Variants in ANO7 observed in about 807,000 individuals in gnomAD.
ANO7 encodes anoctamin-7.
Under a neutral mutation model 115.8 loss-of-function variants are expected in ANO7, and 114 were observed. The ratio of observed to expected loss-of-function variants is 0.98; its 90% CI spans 0.85 to 1.15. ANO7 has a LOEUF of 1.15. Ranked by LOEUF, ANO7 falls within the 50% of genes most tolerant of loss-of-function variation. The pLI, the probability that ANO7 is intolerant of heterozygous loss-of-function variation, is 0.00. For synonymous variants in ANO7, 550 were observed against 498.2 expected (o/e 1.10, Z -1.38); for missense variants, 1,302 against 1,201.2 (o/e 1.08, Z -1.24).
chr2:241,239,742 G>A, the ANO7 span: 11 of 1,614,028 alleles, frequency 6.8e-6, no homozygotes, highest in South Asian at 2.2e-5. This position sits in a 1 kb window ranked among gnomAD's most constrained non-coding sequence, Gnocchi z 4.6. Flanking sequence ...GCAATCTCCC[G>A]CAAGACCTGG....
rs536368776 is a variant in ANO7, at chr2:241,224,104, C to T, written c.2591C>T (p.Ser864Phe). Residue 864 changes from serine to phenylalanine, a missense_variant, in exon 25 of 25, where the codon TCC (serine) becomes TTC (phenylalanine). Ser to Phe is a radical substitution (Grantham distance 155). Coordinates refer to ENST00000674324, the MANE Select transcript of ANO7 (RefSeq NM_001370694.2). ...DEQPEGSELS[S>F]HWTPFTVPKA... ...CCCCAACCCTCTCCCCAGCTCAGCT[C>T]CCACTGGACACCCTTCACGGTTCCC... 1.3e-5 allele frequency: 21 copies of T among 1,614,110 alleles called. No homozygotes were observed. In the African/African-American group the frequency reaches 2.5e-4, roughly 19 times the overall value.
rs200506103 is a variant in ANO7 at position 241,202,279 on chromosome 2, T to A, written c.698T>A (p.Leu233His). ...GIHQLLAEGV[L>H]SAAFPLHDGP... ...CACCAGCTGCTGGCAGAGGGTGTCC[T>A]CAGTGCCGCCTTCCCCCTGCATGAC... The change falls in exon 8 of 25, where the codon CTC becomes CAC. Residue 233 changes from leucine (L) to histidine (H), a missense_variant. Physicochemically the swap from Leu to His is moderately conservative, Grantham distance 99. Coordinates refer to ENST00000674324, the MANE Select transcript of ANO7 (RefSeq NM_001370694.2). The A allele has an allele frequency of 1.2e-5, 19 of 1,613,364 alleles. No individual in the cohort carries two copies. In the East Asian group the frequency reaches 4.2e-4, roughly 36 times the overall value.
In ANO7 at chr2:241,203,435, C is replaced by T. The variant is rs139975872; in HGVS notation, c.826C>T (p.Gln276Ter). The part of the protein sequence containing the change: ...WARWGKWNKY[Q>*]PLDHVRRYFG... Reference sequence around the variant, plus strand: ...GCGCTGGGGCAAGTGGAACAAGTACCAGCCCCTGGACCACGTGCGCAGGTA... The same window carrying T: ...GCGCTGGGGCAAGTGGAACAAGTACTAGCCCCTGGACCACGTGCGCAGGTA... Residue 276 changes from glutamine (Q) to a stop codon, truncating the protein, a stop_gained, in exon 9 of 25, where the codon CAG becomes TAG. Transcript: ENST00000674324. LOFTEE classifies it high-confidence loss of function. This position sits in a 1 kb window ranked among gnomAD's most constrained non-coding sequence, Gnocchi z 4.8. The T allele has an allele frequency of 1.0e-5, 16 of 1,593,660 alleles. No homozygotes were observed. Among genetic ancestry groups the T allele is most frequent in the African/African-American group, 1.4e-5 (1 of 73,706 alleles).
At chr2:241,232,676 C>T in the ANO7 span, among the ~76,000 whole-genome samples, 30 of 151,966 alleles carry the variant, frequency 2.0e-4, no homozygotes, top group African/African-American at 6.0e-4. Context: ...GGGCTGGGAG[C>T]GGTGGCTCAC....
chr2:241,235,602 G>T, the ANO7 span: 1 of 1,604,344 alleles, frequency 6.2e-7, no homozygotes, highest in African/African-American at 1.3e-5. Context: ...TGCCTGCAGG[G>T]AGGATGGTCA....
In ANO7 at chr2:241,210,360, G is replaced by A. The variant is rs141796681; in HGVS notation, c.1425G>A (p.Val475=). ...ACCGTGCCATCATGGCCATCGTGGT[G>A]TCCAGGTCGGGCAACACCCTTCTCG... is the stretch of plus-strand genomic sequence containing the variant. ...ILYRAIMAIV[V]SRSGNTLLAA... The change falls in exon 14 of 25, where the codon GTG becomes GTA. Residue 475 remains valine (V), a synonymous_variant. Transcript: ENST00000674324. 6.2e-3 allele frequency: 10,014 copies of A among 1,614,062 alleles called. 52 individuals carry two copies. Among genetic ancestry groups the A allele is most frequent in the Non-Finnish European group, 7.4e-3 (8,677 of 1,179,996 alleles).
chr2:241,234,687 C>T, the ANO7 span, among the ~76,000 whole-genome samples: 1 of 152,190 alleles, frequency 6.6e-6, no homozygotes, highest in Non-Finnish European at 1.5e-5. Flanking sequence ...CAAACGTCAG[C>T]CTTGCCAGAG....
chr2:241,219,774 A>G (rs1200507983), intron 21 of ANO7, among the ~76,000 whole-genome samples: 1 of 130,824 alleles, frequency 7.6e-6, no homozygotes, highest in African/African-American at 2.9e-5. Flanking sequence ...GGGTCTTACT[A>G]TGTTATGTTA....
At chr2:241,202,628 C>G (rs148996736) in intron 8 of ANO7, among the ~76,000 whole-genome samples, 63 of 152,332 alleles carry the variant, frequency 4.1e-4, no homozygotes, top group Middle Eastern at 3.4e-3. Flanking sequence ...GGTCTCCTAT[C>G]CCCCTCCAGA....
chr2:241,206,636 T>C (rs2068597710), intron 10 of ANO7, among the ~76,000 whole-genome samples: 1 of 44,476 alleles, frequency 2.2e-5, no homozygotes, highest in African/African-American at 1.1e-4. Flanking sequence ...ACAGGAGTGC[T>C]CCCAGGCTGA....
chr2:241,222,975 C>G (rs945572205), intron 21 of ANO7, among the ~76,000 whole-genome samples: 4 of 152,178 alleles, frequency 2.6e-5, no homozygotes, highest in Non-Finnish European at 5.9e-5. Context: ...CCCAGCACAT[C>G]CACCTTTGGA....
chr2:241,208,655 C>G (rs948930676), intron 11 of ANO7, among the ~76,000 whole-genome samples: 1 of 152,208 alleles, frequency 6.6e-6, no homozygotes, highest in Admixed American at 6.5e-5. Context: ...ATGTCCATCC[C>G]ACGTGCAAAA....
chr2:241,193,169 G>A (rs35432564), intron 3 of ANO7, among the ~76,000 whole-genome samples: 9,986 of 151,716 alleles, frequency 0.066, 448 homozygotes, highest in Non-Finnish European at 0.1. Context: ...GCCTCCCTTC[G>A]CACCATTCTC....
intron 21 of ANO7, 83 bp from the exon 22 acceptor site, chr2:241,223,103 G>C: frequency 8.1e-7 from 1 of 1,228,734 alleles, no homozygotes; most frequent in African/African-American, 1.5e-5. Context: ...GGTGGAAAAA[G>C]GGGAGATAGG....
chr2:241,200,138 T>G lies in ANO7; in HGVS notation c.467T>G (p.Leu156Arg). ...SNWSAGLLAW[L>R]GIPNVLLEVV... is the part of the protein sequence containing the mutation. ...TGGTCGGCCGGCCTGCTGGCATGGC[T>G]GGGCATCCCCAACGTCCTGCTGGAG... is the stretch of plus-strand genomic sequence containing the variant. Residue 156 changes from leucine to arginine, a missense_variant, in exon 6 of 25, where the codon CTG (leucine) becomes CGG (arginine). Transcript: ENST00000674324. 6.2e-7 allele frequency: 1 copy of G among 1,613,254 alleles called. No homozygotes were observed. The highest frequency in any genetic ancestry group is 8.5e-7 in the Non-Finnish European group (1 of 1,179,980).
At chr2:241,236,257 G>A in the ANO7 span, 3 of 308,588 alleles carry the variant, frequency 9.7e-6, no homozygotes, top group African/African-American at 2.1e-5. Context: ...AGGTGAGCTA[G>A]GCCTGATAAC....
Position 241,216,174 on chromosome 2 carries a change from G to C in ANO7, c.1908G>C (p.Gly636=). Residue 636 remains glycine (G), a synonymous_variant, in exon 19 of 25, where the codon GGG becomes GGC. Transcript: ENST00000674324. ...GAGCTTCTGCAGGGGCTAGCCAGGG[G>C]CCCTGGGAGGACGACTATGAGCTTG... ...KAGASAGASQ[G]PWEDDYELVP... is the part of the protein sequence containing the mutation. 1 of 1,613,246 alleles carries C rather than the reference G, an allele frequency of 6.2e-7. No individual in the cohort carries two copies. Among genetic ancestry groups the C allele is most frequent in the Non-Finnish European group, 8.5e-7 (1 of 1,179,892 alleles).
rs2068195133 is a variant in ANO7 at position 241,191,219 on chromosome 2, G to A, written c.134G>A (p.Cys45Tyr). The change falls in exon 3 of 25, where the codon TGC (cysteine) becomes TAC (tyrosine). Residue 45 changes from cysteine to tyrosine, a missense_variant. Coordinates refer to ENST00000674324, the MANE Select transcript of ANO7 (RefSeq NM_001370694.2). ...SEPGGQQAAA[C>Y]RAGSPAKPRI... ...CCAGGTGGACAGCAAGCGGCCGCCT[G>A]CAGAGCTGGGAGTCCTGCCAAGCCC... 4 of 1,613,750 alleles carry A rather than the reference G, an allele frequency of 2.5e-6. No homozygotes were observed. Among genetic ancestry groups the A allele is most frequent in the African/African-American group, 2.7e-5 (2 of 74,936 alleles).
In ANO7 at chr2:241,216,092, G is replaced by C; in HGVS notation, c.1827-1G>C. The C allele has an allele frequency of 9.4e-6, 15 of 1,603,170 alleles. No homozygotes were observed. Among genetic ancestry groups the C allele is most frequent in the Non-Finnish European group, 1.3e-5 (15 of 1,176,390 alleles). On this transcript the variant is annotated splice_acceptor_variant, in intron 18 of 24. Transcript: ENST00000674324. LOFTEE classifies it high-confidence loss of function. Reference sequence around the variant, plus strand: ...CCATTTTCCTGTATTCCCGTCCCCAGGAAGCTAAAGGGCTGGTGGCAGAAG... The same window carrying C: ...CCATTTTCCTGTATTCCCGTCCCCACGAAGCTAAAGGGCTGGTGGCAGAAG...
Sources: allele counts gnomAD v4.1 joint callset (sites outside exome capture counted in the v4.1 genomes callset), GRCh38; gene constraint gnomAD v4.1.1; non-coding constraint Gnocchi (gnomAD v3.1); transcripts MANE v1.5; gene names NCBI Gene and HGNC (gene_info 2026-07-23, HGNC 2026-07-21).